Variants in HDHD2 observed in about 807,000 individuals in gnomAD.
HDHD2 encodes haloacid dehalogenase-like hydrolase domain-containing protein 2.
In HDHD2, 26 loss-of-function variants were observed where a neutral mutation model predicts 24.8. That is an observed-to-expected ratio of 1.05 (90% confidence interval 0.77 to 1.45). The LOEUF is 1.45. HDHD2 is among the 40% of genes most tolerant of loss of function. The probability of loss-of-function intolerance (pLI) is 0.00; values close to 1 mark genes in which losing one functional copy is unlikely to be tolerated. For synonymous variants in HDHD2, 128 were observed against 114.9 expected (o/e 1.11, Z -0.73); for missense variants, 299 against 313.4 (o/e 0.95, Z 0.35).
chr18:47,117,198 G>A (rs1210753090), intron 4 of HDHD2, among the ~76,000 whole-genome samples: 2 of 152,212 alleles, frequency 1.3e-5, no homozygotes, highest in African/African-American at 4.8e-5. Context: ...AAATATCAGA[G>A]CCACCCCAAT....
chr18:47,110,922 T>G, intron 6 of HDHD2: 1 of 985,116 alleles, frequency 1.0e-6, no homozygotes, highest in Non-Finnish European at 1.2e-6. Context: ...GCTACCCCTT[T>G]AGAAACAAAA....
At chr18:47,139,971 C>T (rs1027538375) in intron 1 of HDHD2, among the ~76,000 whole-genome samples, 2 of 152,192 alleles carry the variant, frequency 1.3e-5, no homozygotes, top group Non-Finnish European at 2.9e-5. Flanking sequence ...GGCAATATTG[C>T]TGAAGCCTCC....
At chr18:47,148,706 TAC>T (rs1461787121) in intron 1 of HDHD2, among the ~76,000 whole-genome samples, 1 of 152,212 alleles carries the variant, frequency 6.6e-6, no homozygotes, top group Non-Finnish European at 1.5e-5. Context: ...CTACTTCCTT[TAC>T]AGTCTTATAT....
At chr18:47,136,836 T>C (rs531470185) in intron 1 of HDHD2, among the ~76,000 whole-genome samples, 1 of 152,208 alleles carries the variant, frequency 6.6e-6, no homozygotes, top group African/African-American at 2.4e-5. Flanking sequence ...TAGCAGAGTC[T>C]TCTTCATCTT....
intron 2 of HDHD2, 61 bp downstream of exon 2, chr18:47,136,278 C>T (rs1210567294): frequency 1.3e-6 from 2 of 1,598,390 alleles, no homozygotes; most frequent in South Asian, 1.1e-5. Context: ...AGCTAATGAT[C>T]TGCCGTGGTA....
At position 47,110,958 on chromosome 18, in the gene HDHD2, ACTT is replaced by A. The variant is rs534219924; in HGVS notation, c.676+2016_676+2018del. 2.7e-4 allele frequency: 268 copies of A among 985,288 alleles called. No homozygotes were observed. The African/African-American group carries it at 3.9e-3, about 14-fold the overall frequency. 61.0% of individuals were successfully genotyped at this position (985,288 alleles called of 1,614,324 possible). A position where few individuals can be genotyped will look rare whatever the true frequency, so the allele number is the denominator to read the frequency against. ...TTGCTCGAGATGATCCACAGAAAGC[ACTT>A]ATTATTGAATATGAATTAAAATATT... On this transcript the variant is annotated intron_variant, in intron 6 of 6. Transcript: ENST00000300605.
intron 4 of HDHD2, among the ~76,000 whole-genome samples, chr18:47,123,481 G>C (rs1489905298): frequency 1.3e-5 from 2 of 152,144 alleles, no homozygotes; most frequent in African/African-American, 4.8e-5. Context: ...CCAGCTACTG[G>C]GAGGCTGAGG....
At chr18:47,111,406 TC>T in intron 6 of HDHD2, 4 of 963,110 alleles carry the variant, frequency 4.2e-6, no homozygotes, top group Non-Finnish European at 3.7e-6. Flanking sequence ...AAAGAAATAC[TC>T]ATGGGAATAA....
At chr18:47,134,193 C>A (rs1215866260) in intron 3 of HDHD2, among the ~76,000 whole-genome samples, 1 of 152,094 alleles carries the variant, frequency 6.6e-6, no homozygotes, top group African/African-American at 2.4e-5. Flanking sequence ...GCATCATAAT[C>A]AAACAATCAA....
rs563262492 is a variant in HDHD2, at chr18:47,112,909, T to C, written c.676+68A>G. 3.7e-5 allele frequency: 49 copies of C among 1,319,238 alleles called. No homozygotes were observed. The South Asian group carries it at 3.9e-4, about 11-fold the overall frequency. The allele number at this position is 1,319,238 out of a possible 1,614,324, so 81.7% of individuals were successfully genotyped here. A position where few individuals can be genotyped will look rare whatever the true frequency, so the allele number is the denominator to read the frequency against. ...CAGGGCTCTGCCATTTCTGCAAAGA[T>C]TGTTCTTTAAGCAACTGTGTATTCT... On this transcript the variant is annotated intron_variant, in intron 6 of 6. Coordinates refer to ENST00000300605, the MANE Select transcript of HDHD2 (RefSeq NM_032124.5).
chr18:47,137,085 C>T, intron 1 of HDHD2: 1 of 729,548 alleles, frequency 1.4e-6, no homozygotes, highest in South Asian at 1.4e-5. Context: ...TTGAAGGTGG[C>T]AGGGCAGAAT....
intron 5 of HDHD2, among the ~76,000 whole-genome samples, chr18:47,114,787 A>G (rs1003034909): frequency 6.6e-6 from 1 of 152,190 alleles, no homozygotes; most frequent in South Asian, 2.1e-4. Context: ...TCTCAAAAAG[A>G]CATTTAAAGC....
At chr18:47,115,861 G>C (rs1005487242) in intron 4 of HDHD2, among the ~76,000 whole-genome samples, 9 of 152,044 alleles carry the variant, frequency 5.9e-5, no homozygotes, top group African/African-American at 2.2e-4. Context: ...GTTTTACAAA[G>C]AGTTTCTGCT....
At position 47,107,867 on chromosome 18, in the gene HDHD2, GATA is replaced by G. The variant is rs1482392581; in HGVS notation, c.*812_*814del. ...AACTTCAAAAATGCATGGTCTATAA[GATA>G]TTATAAGGCTTGATTCTAGTTTCTG... On this transcript the variant is annotated 3_prime_UTR_variant, in exon 7 of 7. Transcript: ENST00000300605. 1 of 152,586 alleles carries G rather than the reference GATA, an allele frequency of 6.6e-6. No homozygotes were observed. Among genetic ancestry groups the G allele is most frequent in the Admixed American group, 6.5e-5 (1 of 15,276 alleles). 9.5% of individuals were successfully genotyped at this position (152,586 alleles called of 1,614,324 possible). A position where few individuals can be genotyped will look rare whatever the true frequency, so the allele number is the denominator to read the frequency against.
intron 6 of HDHD2, chr18:47,110,213 T>C: frequency 3.0e-6 from 3 of 985,456 alleles, no homozygotes; most frequent in Non-Finnish European, 2.4e-6. Context: ...CTTTTCCACA[T>C]CTTTGCATCA....
At chr18:47,125,299 C>T (rs980245810) in intron 4 of HDHD2, among the ~76,000 whole-genome samples, 1 of 152,214 alleles carries the variant, frequency 6.6e-6, no homozygotes, top group Non-Finnish European at 1.5e-5. Context: ...GAATGTATGT[C>T]TTGGTACAAT....
intron 4 of HDHD2, among the ~76,000 whole-genome samples, chr18:47,119,406 C>T (rs570588512): frequency 2.0e-4 from 31 of 152,314 alleles, no homozygotes; most frequent in African/African-American, 5.3e-4. Context: ...ATTTCAACAA[C>T]GTTCGAAGCA....
At chr18:47,109,726 C>T (rs2063500678) in intron 6 of HDHD2, 1 of 153,918 alleles carries the variant, frequency 6.5e-6, no homozygotes, top group Admixed American at 6.5e-5. Context: ...TCAGACCCCA[C>T]CTTCCCATCC....
At chr18:47,147,156 G>A (rs566742186) in intron 1 of HDHD2, among the ~76,000 whole-genome samples, 31 of 152,144 alleles carry the variant, frequency 2.0e-4, no homozygotes, top group African/African-American at 7.2e-4. Flanking sequence ...CCACCTTCAA[G>A]GCATTTTGAA....
Sources: gnomAD v4.1 joint callset for allele counts (sites outside exome capture counted in the v4.1 genomes callset) on GRCh38, gnomAD v4.1.1 for gene constraint, MANE v1.5 for transcripts, NCBI Gene and HGNC (gene_info 2026-07-23, HGNC 2026-07-21) for gene names.